Variants in PEBP4 observed in about 807,000 individuals in gnomAD.
PEBP4 encodes phosphatidylethanolamine-binding protein 4.
A neutral mutation model predicts 23.9 loss-of-function variants in PEBP4; 22 were observed. The observed-to-expected ratio is 0.92, with a 90% CI of 0.66 to 1.31. PEBP4 has a LOEUF of 1.31. PEBP4 is among the 40% of genes most tolerant of loss of function. PEBP4 has a pLI of 0.00. For synonymous variants in PEBP4, 112 were observed against 99.3 expected, an observed-to-expected ratio of 1.13 and a Z score of -0.76; for missense variants, 324 against 281.7, an observed-to-expected ratio of 1.15 and a Z score of -1.07.
intron 3 of PEBP4, chr8:22,885,472 T>G (rs1808353602): frequency 6.6e-6 from 1 of 152,104 alleles, no homozygotes; most frequent in Non-Finnish European, 1.5e-5. Flanking sequence ...ACTGCCGAGC[T>G]GGGTTACACC....
intron 2 of PEBP4, among the ~76,000 whole-genome samples, chr8:22,925,661 T>C (rs1178025493): frequency 1.3e-5 from 2 of 152,172 alleles, no homozygotes; most frequent in Admixed American, 1.3e-4. Flanking sequence ...CTAGGGCATC[T>C]GGAGCCTCAG....
intron 1 of PEBP4, among the ~76,000 whole-genome samples, chr8:22,938,515 CTTGTAT>C (rs558871646): frequency 2.6e-4 from 39 of 152,072 alleles, no homozygotes; most frequent in Admixed American, 1.1e-3. Context: ...TGTTTATTTA[CTTGTAT>C]TTCTCTGTCA....
intron 4 of PEBP4, among the ~76,000 whole-genome samples, chr8:22,732,395 T>A (rs1804756746): frequency 6.6e-6 from 1 of 151,970 alleles, no homozygotes; most frequent in Non-Finnish European, 1.5e-5. Context: ...CACACACAAC[T>A]GGAGGGCCCA....
intron 4 of PEBP4, among the ~76,000 whole-genome samples, chr8:22,764,796 G>T (rs1384497620): frequency 6.6e-6 from 1 of 151,990 alleles, no homozygotes; most frequent in Non-Finnish European, 1.5e-5. Context: ...GACAAACATT[G>T]GTCACTCCTG....
intron 4 of PEBP4, among the ~76,000 whole-genome samples, chr8:22,743,765 C>T (rs546205305): frequency 1.2e-4 from 19 of 152,324 alleles, no homozygotes; most frequent in South Asian, 6.2e-4. Context: ...CAGCACCTGC[C>T]GGCAGCACCA....
intron 3 of PEBP4, among the ~76,000 whole-genome samples, chr8:22,840,019 T>C (rs1807289649): frequency 6.6e-6 from 1 of 152,232 alleles, no homozygotes; most frequent in African/African-American, 2.4e-5. Flanking sequence ...CCACAGAATG[T>C]GACCGGTCTG....
At chr8:22,715,755 C>G (rs10086444) in intron 6 of PEBP4, among the ~76,000 whole-genome samples, 7,106 of 152,302 alleles carry the variant, frequency 0.047, 592 homozygotes, top group African/African-American at 0.16. Context: ...GCCGGCTAGC[C>G]TCTTGCTGCC....
chr8:22,730,358 T>C (rs1298622183), intron 4 of PEBP4, among the ~76,000 whole-genome samples: 3 of 152,140 alleles, frequency 2.0e-5, no homozygotes, highest in Non-Finnish European at 4.4e-5. Context: ...TTAGGCAACA[T>C]AGCAAAACCT....
chr8:22,832,566 C>T (rs1368526357), intron 3 of PEBP4, among the ~76,000 whole-genome samples: 2 of 152,112 alleles, frequency 1.3e-5, no homozygotes, highest in African/African-American at 4.8e-5. Context: ...GCTTTCCTGA[C>T]GCAGAGAGAA....
chr8:22,924,667 T>C (rs1053281605), intron 2 of PEBP4: 1 of 985,228 alleles, frequency 1.0e-6, no homozygotes, highest in Non-Finnish European at 1.2e-6. Flanking sequence ...GAGCAGCAGC[T>C]CCCATCCCTA....
chr8:22,850,625 G>A (rs2128767148), intron 3 of PEBP4, among the ~76,000 whole-genome samples: 1 of 152,324 alleles, frequency 6.6e-6, no homozygotes, highest in Non-Finnish European at 1.5e-5. Context: ...GCCTAGCTCT[G>A]TCTGTGGAAC....
At chr8:22,753,735 G>A (rs922594671) in intron 4 of PEBP4, among the ~76,000 whole-genome samples, 1 of 152,164 alleles carries the variant, frequency 6.6e-6, no homozygotes, top group Non-Finnish European at 1.5e-5. Flanking sequence ...GGGCTTTGCC[G>A]GGCTGGTGGC....
chr8:22,749,702 C>T (rs1445661848), intron 4 of PEBP4, among the ~76,000 whole-genome samples: 1 of 152,096 alleles, frequency 6.6e-6, no homozygotes, highest in African/African-American at 2.4e-5. Context: ...CCACCCCCTG[C>T]CTTTTACAGA....
At position 22,940,502 on chromosome 8, in the gene PEBP4, TTTTC is replaced by T. The variant is rs1311465779; in HGVS notation, c.145-12786_145-12783del. On this transcript the variant is annotated intron_variant, in intron 1 of 1. Transcript: ENST00000522278. ...ACCATGAATTTCTCTTTTTTTTTTT[TTTTC>T]GAGACGGAGTCTTGCTCTGTCACCC... Among the ~76,000 whole-genome samples, 330 of 145,820 alleles carry T rather than the reference TTTTC, an allele frequency of 2.3e-3. 10 individuals carry two copies. Among genetic ancestry groups the T allele is most frequent in the African/African-American group, 7.7e-3 (302 of 39,072 alleles).
At chr8:22,855,756 AGCAGCCAG>A (rs1807632863) in intron 3 of PEBP4, among the ~76,000 whole-genome samples, 2 of 152,172 alleles carry the variant, frequency 1.3e-5, no homozygotes, top group Non-Finnish European at 2.9e-5. Context: ...TATAGTAAAA[AGCAGCCAG>A]GCATGATAGC....
intron 3 of PEBP4, among the ~76,000 whole-genome samples, chr8:22,914,794 G>A (rs1809034941): frequency 6.6e-6 from 1 of 152,110 alleles, no homozygotes. Flanking sequence ...ATGGGTTTCT[G>A]TGCAGAAGTC....
At chr8:22,803,884 T>C (rs1321839055) in intron 4 of PEBP4, among the ~76,000 whole-genome samples, 1 of 152,178 alleles carries the variant, frequency 6.6e-6, no homozygotes, top group Non-Finnish European at 1.5e-5. Context: ...CTGTTGGCTC[T>C]CAACCTCACA....
chr8:22,738,011 G>A (rs993989730), intron 4 of PEBP4, among the ~76,000 whole-genome samples: 4 of 152,136 alleles, frequency 2.6e-5, no homozygotes, highest in African/African-American at 7.2e-5. Flanking sequence ...AGCCCCGGGA[G>A]CCCATCCTGC....
intron 6 of PEBP4, among the ~76,000 whole-genome samples, chr8:22,714,946 G>A (rs1373230348): frequency 1.3e-5 from 2 of 152,226 alleles, no homozygotes; most frequent in Non-Finnish European, 2.9e-5. Context: ...CTATGTGTTG[G>A]TACTACTGTA....
Sources: allele counts gnomAD v4.1 joint callset (sites outside exome capture counted in the v4.1 genomes callset), GRCh38; gene constraint gnomAD v4.1.1; transcripts MANE v1.5; gene names NCBI Gene and HGNC (gene_info 2026-07-23, HGNC 2026-07-21).